CCDC87: variants seen among roughly 807,000 people sequenced by gnomAD.
CCDC87 encodes the protein coiled-coil domain containing 87.
For missense variants in CCDC87, 1,072 were observed against 1,041.7 expected, an observed-to-expected ratio of 1.03 and a Z score of -0.40; for synonymous variants, 434 against 440.2, an observed-to-expected ratio of 0.99 and a Z score of 0.18.
Position 66,590,949 on chromosome 11 carries a change from A to G in CCDC87, c.2067T>C (p.Ser689=), listed in dbSNP as rs192180180. 2.2e-5 allele frequency: 35 copies of G among 1,613,674 alleles called. No homozygotes were observed. In the African/African-American group the frequency reaches 4.4e-4, roughly 20 times the overall value. ...GGTCCTTGTCAGGGACCTCAAGCACAGACCACAGTTGTTCCAGATGCTTCT... is the reference window on the plus strand; with the variant it reads ...GGTCCTTGTCAGGGACCTCAAGCACGGACCACAGTTGTTCCAGATGCTTCT... ...SLQKHLEQLW[S]VLEVPDKDQV... is the part of the protein sequence containing the mutation. The change falls in exon 1 of 1, where the codon TCT becomes TCC. Residue 689 remains serine (S), a synonymous_variant. Transcript: ENST00000333861.
In CCDC87 at chr11:66,591,760, G is replaced by T; in HGVS notation, c.1256C>A (p.Pro419His). Residue 419 changes from proline to histidine, a missense_variant, in exon 1 of 1, where the codon CCC becomes CAC. Coordinates refer to ENST00000333861, the MANE Select transcript of CCDC87 (RefSeq NM_018219.3). ...CTGTGGGTGAAGTGGAAAGGATTTG[G>T]GGGGCTGGGGGTCCCACTGCCCAGA... ...EASGQWDPQP[P>H]KSFPLHPQPV... The T allele has an allele frequency of 1.2e-6, 2 of 1,613,594 alleles. No homozygotes were observed. The highest frequency in any genetic ancestry group is 2.2e-5 in the South Asian group (2 of 91,076).
Position 66,591,009 on chromosome 11 carries a change from G to C in CCDC87, c.2007C>G (p.Pro669=), listed in dbSNP as rs1858344028. 1.2e-6 allele frequency: 2 copies of C among 1,613,960 alleles called. No individual in the cohort carries two copies. Among genetic ancestry groups the C allele is most frequent in the Non-Finnish European group, 1.7e-6 (2 of 1,180,040 alleles). ...GAATTTTGTGGGGTTCTCCCAGGTG[G>C]GGTGTCTTCCCAGCTCCTAGCCTGT... ...LEHRLGAGKT[P]HLGEPHKILS... is the part of the protein sequence containing the mutation. Residue 669 remains proline, a synonymous_variant, in exon 1 of 1, where the codon CCC becomes CCG. Coordinates refer to ENST00000333861, the MANE Select transcript of CCDC87 (RefSeq NM_018219.3).
rs1441733558 is a variant in CCDC87, at chr11:66,593,019, G to A, written c.-4C>T. ...CGGGCTTCGGGGGCTCCATCATAGA[G>A]CCGGCGGCCGCCACCGTCCAGGAAC... On this transcript the variant is annotated 5_prime_UTR_variant, in exon 1 of 1. Transcript: ENST00000333861. 2.0e-6 allele frequency: 3 copies of A among 1,508,338 alleles called. No homozygotes were observed. The highest frequency in any genetic ancestry group is 1.3e-5 in the South Asian group (1 of 74,688). The allele number at this position is 1,508,338 out of a possible 1,614,324, so 93.4% of individuals were successfully genotyped here.
In CCDC87 at chr11:66,592,668, G is replaced by A. The variant is rs1337107060; in HGVS notation, c.348C>T (p.Leu116=). Residue 116 remains leucine, a synonymous_variant, in exon 1 of 1, where the codon CTC becomes CTT. Transcript: ENST00000333861. ...CGCTGCTCAGCAGCACGTAGGCCTC[G>A]AGCCGCTTCCGCAGCTTCTGGTTGT... ...HKNNQKLRKR[L]EAYVLLSSEQ... The A allele has an allele frequency of 9.9e-6, 16 of 1,613,896 alleles. No homozygotes were observed. The highest frequency in any genetic ancestry group is 1.4e-5 in the Non-Finnish European group (16 of 1,180,026).
In CCDC87 at chr11:66,590,276, G is replaced by C; in HGVS notation, c.*190C>G. 1.8e-6 allele frequency: 1 copy of C among 558,418 alleles called. No individual in the cohort carries two copies. The highest frequency in any genetic ancestry group is 2.7e-5 in the South Asian group (1 of 37,276). The allele number at this position is 558,418 out of a possible 1,614,324, so 34.6% of individuals were successfully genotyped here. On this transcript the variant is annotated 3_prime_UTR_variant, in exon 1 of 1. Coordinates refer to ENST00000333861, the MANE Select transcript of CCDC87 (RefSeq NM_018219.3). The stretch of plus-strand genomic sequence containing the variant: ...TGAGAATTTCACTAAGAAAACAATA[G>C]TTTTAGTCTCAATCCCTTCATAGTT...
chr11:66,592,026 G>A lies in CCDC87; in HGVS notation c.990C>T (p.Leu330=), dbSNP rs1858374132. The A allele has an allele frequency of 6.2e-7, 1 of 1,613,756 alleles. No homozygotes were observed. The highest frequency in any genetic ancestry group is 1.3e-5 in the African/African-American group (1 of 74,940). The change falls in exon 1 of 1, where the codon CTC becomes CTT. Residue 330 remains leucine (L), a synonymous_variant. Transcript: ENST00000333861. ...RLADELGLPP[L]PSRPLTPLVL... ...CCAGCGGGGTTAAGGGGCGAGATGG[G>A]AGTGGAGGAAGGCCCAACTCATCTG...
Position 66,592,561 on chromosome 11 carries a change from G to C in CCDC87, c.455C>G (p.Thr152Ser). The C allele has an allele frequency of 3.1e-6, 5 of 1,613,056 alleles. No individual in the cohort carries two copies. Among genetic ancestry groups the C allele is most frequent in the Non-Finnish European group, 4.2e-6 (5 of 1,180,014 alleles). Residue 152 changes from threonine to serine, a missense_variant, in exon 1 of 1, where the codon ACC becomes AGC. Physicochemically the swap from Thr to Ser is moderately conservative, Grantham distance 58 (BLOSUM62 1). Transcript: ENST00000333861. ...RGVFTESATLTRLAASLARDC... is the reference protein window; with the variant it reads ...RGVFTESATLSRLAASLARDC... The stretch of plus-strand genomic sequence containing the variant: ...CCTGGCGAGGCTGGCGGCCAACCGG[G>C]TGAGGGTGGCTGATTCAGTGAAGAC...
rs746050902 is a variant in CCDC87, at chr11:66,591,477, G to A, written c.1539C>T (p.Pro513=). 1 of 1,614,112 alleles carries A rather than the reference G, an allele frequency of 6.2e-7. No homozygotes were observed. The highest frequency in any genetic ancestry group is 8.5e-7 in the Non-Finnish European group (1 of 1,180,026). The change falls in exon 1 of 1, where the codon CCC becomes CCT. Residue 513 remains proline (P), a synonymous_variant. Transcript: ENST00000333861. ...SSDHLHFDQG[P]LVEPAADKDW... ...CTTTATCTGCTGCAGGCTCAACTAG[G>A]GGCCCTTGATCAAAATGTAAGTGGT...
In CCDC87 at chr11:66,591,792, T is replaced by C. The variant is rs1442667546; in HGVS notation, c.1224A>G (p.Glu408=). 1.9e-6 allele frequency: 3 copies of C among 1,613,664 alleles called. No individual in the cohort carries two copies. The highest frequency in any genetic ancestry group is 2.5e-6 in the Non-Finnish European group (3 of 1,179,980). ...LEKMLRNLQE[E]EASGQWDPQP... ...GGGGGTCCCACTGCCCAGAGGCTTC[T>C]TCCTCCTGGAGGTTCCTCAACATCT... The change falls in exon 1 of 1, where the codon GAA becomes GAG. Residue 408 remains glutamate (E), a synonymous_variant. Coordinates refer to ENST00000333861, the MANE Select transcript of CCDC87 (RefSeq NM_018219.3).
Position 66,592,813 on chromosome 11 carries a change from C to A in CCDC87, c.203G>T (p.Gly68Val). The change falls in exon 1 of 1, where the codon GGC becomes GTC. Residue 68 changes from glycine (G) to valine (V), a missense_variant. Transcript: ENST00000333861. ...LCSQVAKLLA[G>V]SGIAAGVPPE... ...AGGCACTCCCGCTGCTATCCCGCTG[C>A]CGGCCAGCAGCTTGGCCACCTGGCT... 1.3e-6 allele frequency: 2 copies of A among 1,598,220 alleles called. No homozygotes were observed. Among genetic ancestry groups the A allele is most frequent in the South Asian group, 1.1e-5 (1 of 89,970 alleles).
At position 66,592,926 on chromosome 11, in the gene CCDC87, C is replaced by T. The variant is rs771927580; in HGVS notation, c.90G>A (p.Thr30=). The T allele has an allele frequency of 2.0e-5, 30 of 1,524,414 alleles. No individual in the cohort carries two copies. The highest frequency in any genetic ancestry group is 2.5e-5 in the Non-Finnish European group (28 of 1,138,824). 94.4% of individuals were successfully genotyped at this position (1,524,414 alleles called of 1,614,324 possible). ...GGGGGCGCTTCTGAGGCTCTGGGGA[C>T]GTCGTCCTAGTGGGGAAGAGCGACA... ...RPLSLFPTRT[T]SPEPQKRPPQ... The change falls in exon 1 of 1, where the codon ACG becomes ACA. Residue 30 remains threonine (T), a synonymous_variant. Coordinates refer to ENST00000333861, the MANE Select transcript of CCDC87 (RefSeq NM_018219.3).
Position 66,592,875 on chromosome 11 carries a change from G to T in CCDC87, c.141C>A (p.Ser47=). The T allele has an allele frequency of 6.4e-7, 1 of 1,559,084 alleles. No individual in the cohort carries two copies. Among genetic ancestry groups the T allele is most frequent in the Non-Finnish European group, 8.7e-7 (1 of 1,153,002 alleles). The change falls in exon 1 of 1, where the codon TCC becomes TCA. Residue 47 remains serine, a synonymous_variant. Transcript: ENST00000333861. ...RPPQEGRILQ[S]FPLAKLTVAS... ...CCACCGTCAGCTTCGCCAGAGGGAA[G>T]GACTGCAGAATCCGGCCCTCCTGCG...
At position 66,592,887 on chromosome 11, in the gene CCDC87, C is replaced by A. The variant is rs750338539; in HGVS notation, c.129G>T (p.Arg43=). 1.3e-6 allele frequency: 2 copies of A among 1,544,360 alleles called. No homozygotes were observed. Among genetic ancestry groups the A allele is most frequent in the Middle Eastern group, 1.8e-4 (1 of 5,702 alleles). The stretch of plus-strand genomic sequence containing the variant: ...TCGCCAGAGGGAAGGACTGCAGAAT[C>A]CGGCCCTCCTGCGGGGGGCGCTTCT... ...EPQKRPPQEG[R]ILQSFPLAKL... The change falls in exon 1 of 1, where the codon CGG becomes CGT. Residue 43 remains arginine, a synonymous_variant. Coordinates refer to ENST00000333861, the MANE Select transcript of CCDC87 (RefSeq NM_018219.3).
chr11:66,592,541 C>G lies in CCDC87; in HGVS notation c.475G>C (p.Ala159Pro), dbSNP rs1232317952. The G allele has an allele frequency of 1.9e-6, 3 of 1,612,926 alleles. No individual in the cohort carries two copies. In the South Asian group the frequency reaches 3.3e-5, roughly 18 times the overall value. The change falls in exon 1 of 1, where the codon GCC becomes CCC. Residue 159 changes from alanine to proline, a missense_variant. Coordinates refer to ENST00000333861, the MANE Select transcript of CCDC87 (RefSeq NM_018219.3). ...GTAAGGAAGAGTGTGCAGTCCCTGG[C>G]GAGGCTGGCGGCCAACCGGGTGAGG... is the stretch of plus-strand genomic sequence containing the variant. Reference protein sequence around the residue: ...ATLTRLAASLARDCTLFLTSP... With the variant: ...ATLTRLAASLPRDCTLFLTSP...
rs1398677212 is a variant in CCDC87 at position 66,590,487 on chromosome 11, C to T, written c.2529G>A (p.Arg843=). ...GCTACTAAAGGCTGGCTGCTGAGCT[C>T]CTGAACAGGGTTGACTGGTGGGGAT... ...LKDPHQSTLF[R]SSAASL The change falls in exon 1 of 1, where the codon AGG becomes AGA. Residue 843 remains arginine, a synonymous_variant. Transcript: ENST00000333861. 1 of 1,611,924 alleles carries T rather than the reference C, an allele frequency of 6.2e-7. No homozygotes were observed. Among genetic ancestry groups the T allele is most frequent in the Admixed American group, 1.7e-5 (1 of 59,734 alleles).
rs1328001605 is a variant in CCDC87 at position 66,590,670 on chromosome 11, A to C, written c.2346T>G (p.Ser782=). ...CTATCTCCTCCAGGAGGGAAACCAA[A>C]GAAGACTCCATTAAGTTGAGCTTCC... ...LHRKLNLMES[S]LVSLLEEIEL... The change falls in exon 1 of 1, where the codon TCT becomes TCG. Residue 782 remains serine (S), a synonymous_variant. Coordinates refer to ENST00000333861, the MANE Select transcript of CCDC87 (RefSeq NM_018219.3). 6.2e-7 allele frequency: 1 copy of C among 1,613,958 alleles called. No homozygotes were observed. The highest frequency in any genetic ancestry group is 8.5e-7 in the Non-Finnish European group (1 of 1,179,940).
Position 66,591,433 on chromosome 11 carries a change from G to A in CCDC87, c.1583C>T (p.Ser528Phe). The A allele has an allele frequency of 6.2e-7, 1 of 1,614,162 alleles. No homozygotes were observed. The highest frequency in any genetic ancestry group is 8.5e-7 in the Non-Finnish European group (1 of 1,180,016). ...TTTTTCTTGACGTAGAAAGGCTGAG[G>A]ACAGGAAGGTCGACCAGTCTTTATC... ...AADKDWSTFL[S>F]SAFLRQEKQP... The change falls in exon 1 of 1, where the codon TCC becomes TTC. Residue 528 changes from serine to phenylalanine, a missense_variant. Coordinates refer to ENST00000333861, the MANE Select transcript of CCDC87 (RefSeq NM_018219.3).
chr11:66,590,603 A>G lies in CCDC87; in HGVS notation c.2413T>C (p.Tyr805His). 1 of 1,614,166 alleles carries G rather than the reference A, an allele frequency of 6.2e-7. No individual in the cohort carries two copies. The highest frequency in any genetic ancestry group is 8.5e-7 in the Non-Finnish European group (1 of 1,180,028). The change falls in exon 1 of 1, where the codon TAC becomes CAC. Residue 805 changes from tyrosine to histidine, a missense_variant. Physicochemically the swap from Tyr to His is moderately conservative, Grantham distance 83. Coordinates refer to ENST00000333861, the MANE Select transcript of CCDC87 (RefSeq NM_018219.3). ...TTGTCACTCTTCATCTTGTCCAGGT[A>G]GGGCCGCCCCTTGAAGATCACTGGC... is the stretch of plus-strand genomic sequence containing the variant. ...GEPVIFKGRP[Y>H]LDKMKSDKVE...
chr11:66,592,796 CCGCTGCT>C lies in CCDC87; in HGVS notation c.213_219del (p.Ile71MetfsTer19), dbSNP rs781380374. ...CGTAGTCGGGCCTCAGGAGGCACTC[CCGCTGCT>C]ATCCCGCTGCCGGCCAGCAGCTTGG... On this transcript the variant is annotated frameshift_variant, in exon 1 of 1. Transcript: ENST00000333861. LOFTEE classifies it low-confidence loss of function (END_TRUNC). 97 of 1,601,766 alleles carry C rather than the reference CCGCTGCT, an allele frequency of 6.1e-5. No individual in the cohort carries two copies. The highest frequency in any genetic ancestry group is 8.2e-5 in the Non-Finnish European group (96 of 1,173,620).
Sources: gnomAD v4.1 joint callset for allele counts on GRCh38, gnomAD v4.1.1 for gene constraint, MANE v1.5 for transcripts, NCBI Gene and HGNC (gene_info 2026-07-23, HGNC 2026-07-21) for gene names.